The following RASA2 variants were observed in gnomAD, a reference collection of about 807,000 sequenced individuals.
RASA2 encodes RAS p21 protein activator 2.
RASA2 carries 155 observed loss-of-function variants against 118.2 expected under a neutral mutation model. That is an observed-to-expected ratio of 1.31 (90% CI 1.15 to 1.50). The LOEUF is 1.50. RASA2 is among the 40% of genes most tolerant of loss of function. RASA2 has a pLI of 0.00. For missense variants in RASA2, 1,016 were observed against 1,009.6 expected (o/e 1.01, Z -0.09); for synonymous variants, 353 against 349.1 (o/e 1.01, Z -0.12).
intron 1 of RASA2, among the ~76,000 whole-genome samples, chr3:141,502,349 T>C (rs1269966270): frequency 6.6e-6 from 1 of 152,200 alleles, no homozygotes; most frequent in Non-Finnish European, 1.5e-5. Flanking sequence ...TCCTGAAGTA[T>C]GAACCACACA....
rs551901081 is a variant in RASA2 at position 141,599,037 on chromosome 3, G to A, written c.1934-8641G>A. 7.8e-4 allele frequency among the ~76,000 whole-genome samples: 118 copies of A among 152,104 alleles called. 2 individuals are homozygous for A. In the South Asian group the frequency reaches 0.024, roughly 31 times the overall value. ...CAGGAGGTGGAGGTTGCAGTGAGCC[G>A]AGATCGCGCCACTGCACTCCAGCCC... On this transcript the variant is annotated intron_variant, in intron 19 of 23. Coordinates refer to ENST00000286364, the MANE Select transcript of RASA2 (RefSeq NM_006506.5).
chr3:141,606,125 C>T lies in RASA2; in HGVS notation c.1934-1553C>T, dbSNP rs534444967. On this transcript the variant is annotated intron_variant, in intron 19 of 23. Coordinates refer to ENST00000286364, the MANE Select transcript of RASA2 (RefSeq NM_006506.5). ...TGTATGTCTGAGTGCCCCCAACCTTCAGCTGTCTGTGTCCACTGGCTCTGG... is the reference window on the plus strand; with the variant it reads ...TGTATGTCTGAGTGCCCCCAACCTTTAGCTGTCTGTGTCCACTGGCTCTGG... Among the ~76,000 whole-genome samples the T allele has an allele frequency of 8.5e-5, 13 of 152,288 alleles. No homozygotes were observed. In the East Asian group the frequency reaches 2.5e-3, roughly 29 times the overall value.
At chr3:141,523,394 G>A (rs1335708760) in intron 3 of RASA2, among the ~76,000 whole-genome samples, 5 of 152,134 alleles carry the variant, frequency 3.3e-5, no homozygotes, top group South Asian at 2.1e-4. Flanking sequence ...AATTGCAGGC[G>A]TGAGCCACCG....
At chr3:141,605,945 T>C (rs2083541871) in intron 19 of RASA2, among the ~76,000 whole-genome samples, 2 of 152,202 alleles carry the variant, frequency 1.3e-5, no homozygotes, top group African/African-American at 4.8e-5. Context: ...CAGCTACCTG[T>C]GACATTGCAC....
At chr3:141,530,855 T>C (rs1439686885) in intron 4 of RASA2, among the ~76,000 whole-genome samples, 4 of 152,176 alleles carry the variant, frequency 2.6e-5, no homozygotes, top group Non-Finnish European at 5.9e-5. Flanking sequence ...TACAGTATTG[T>C]AAATGATCCA....
intron 5 of RASA2, among the ~76,000 whole-genome samples, chr3:141,544,374 C>A (rs559751368): frequency 4.6e-4 from 70 of 152,234 alleles, no homozygotes; most frequent in Non-Finnish European, 8.2e-4. Flanking sequence ...TCTTTCAGAA[C>A]GCCAGTGGCA....
chr3:141,534,707 A>G (rs1264308852), intron 4 of RASA2, among the ~76,000 whole-genome samples: 2 of 152,174 alleles, frequency 1.3e-5, no homozygotes, highest in Non-Finnish European at 1.5e-5. Flanking sequence ...CCTATTCAAG[A>G]CATAACAAAT....
intron 3 of RASA2, among the ~76,000 whole-genome samples, chr3:141,517,876 C>T (rs1019843250): frequency 1.3e-5 from 2 of 151,890 alleles, no homozygotes; most frequent in African/African-American, 2.4e-5. Context: ...AGGATGGTCT[C>T]GATCTCCTGA....
At chr3:141,529,010 A>T (rs1344934312) in intron 3 of RASA2, among the ~76,000 whole-genome samples, 2 of 151,994 alleles carry the variant, frequency 1.3e-5, no homozygotes, top group African/African-American at 4.8e-5. Flanking sequence ...TTGTACCAAG[A>T]TGGCAAATAT....
chr3:141,502,178 G>A (rs566774385), intron 1 of RASA2, among the ~76,000 whole-genome samples: 140 of 152,236 alleles, frequency 9.2e-4, no homozygotes, highest in African/African-American at 3.2e-3. Flanking sequence ...TTTCAGATAA[G>A]GGATATTCGA....
At chr3:141,520,434 A>G (rs535534364) in intron 3 of RASA2, among the ~76,000 whole-genome samples, 16 of 152,262 alleles carry the variant, frequency 1.1e-4, no homozygotes, top group Admixed American at 2.0e-4. Flanking sequence ...GACCAAACTG[A>G]TGAACCCTAG....
chr3:141,495,326 A>C (rs1480650496), intron 1 of RASA2, among the ~76,000 whole-genome samples: 3 of 152,218 alleles, frequency 2.0e-5, no homozygotes, highest in Non-Finnish European at 2.9e-5. Context: ...TCTAGAGTCC[A>C]TCCTGTTAAC....
At chr3:141,569,912 G>A (rs1050620816) in intron 9 of RASA2, among the ~76,000 whole-genome samples, 3 of 151,932 alleles carry the variant, frequency 2.0e-5, no homozygotes, top group African/African-American at 7.3e-5. Context: ...GCATTAATTC[G>A]CATAGGGTAG....
chr3:141,565,146 T>C (rs1036994265), intron 9 of RASA2, among the ~76,000 whole-genome samples: 2 of 152,060 alleles, frequency 1.3e-5, no homozygotes, highest in African/African-American at 4.8e-5. Flanking sequence ...CCACCATGCC[T>C]GGCTAATTTT....
At chr3:141,544,338 T>C (rs533198862) in intron 5 of RASA2, among the ~76,000 whole-genome samples, 25 of 152,210 alleles carry the variant, frequency 1.6e-4, no homozygotes, top group Non-Finnish European at 3.2e-4. Flanking sequence ...ATTAATTCTT[T>C]ATCACCTCTG....
At chr3:141,552,080 T>A (rs1298191194) in intron 5 of RASA2, among the ~76,000 whole-genome samples, 2 of 152,210 alleles carry the variant, frequency 1.3e-5, no homozygotes, top group Non-Finnish European at 2.9e-5. Flanking sequence ...TTAACTGTTT[T>A]ATATTTAAAA....
intron 1 of RASA2, among the ~76,000 whole-genome samples, chr3:141,498,572 A>G (rs2081735166): frequency 6.6e-6 from 1 of 152,168 alleles, no homozygotes; most frequent in Non-Finnish European, 1.5e-5. Context: ...ACACACATAC[A>G]TACACACACA....
intron 1 of RASA2, among the ~76,000 whole-genome samples, chr3:141,492,553 T>G (rs1290075204): frequency 6.6e-6 from 1 of 152,230 alleles, no homozygotes; most frequent in African/African-American, 2.4e-5. Context: ...TTAATGACAA[T>G]GACTTTGGGC....
chr3:141,558,908 C>T lies in RASA2; in HGVS notation c.707C>T (p.Thr236Ile), dbSNP rs1187722720. ...CAGGTAACCAGATCCAGTAGTTACA[C>T]CAGAAAGTCCCAGTTCCAGGTAGAA... is the stretch of plus-strand genomic sequence containing the variant. ...YFEVTRSSSY[T>I]RKSQFQVEEE... Residue 236 changes from threonine to isoleucine, a missense_variant, in exon 8 of 24, where the codon ACC becomes ATC. Coordinates refer to ENST00000286364, the MANE Select transcript of RASA2 (RefSeq NM_006506.5). 1 of 1,605,884 alleles carries T rather than the reference C, an allele frequency of 6.2e-7. No homozygotes were observed. Among genetic ancestry groups the T allele is most frequent in the Admixed American group, 1.7e-5 (1 of 59,948 alleles).
Sources: gnomAD v4.1 joint callset for allele counts (sites outside exome capture counted in the v4.1 genomes callset) on GRCh38, gnomAD v4.1.1 for gene constraint, MANE v1.5 for transcripts, NCBI Gene and HGNC (gene_info 2026-07-23, HGNC 2026-07-21) for gene names.